The following THNSL1 variants were observed in gnomAD, a reference collection of about 807,000 sequenced individuals.
THNSL1 encodes the protein threonine synthase like 1.
A neutral mutation model predicts 50.4 loss-of-function variants in THNSL1; 48 were observed. That is an observed-to-expected ratio of 0.95 (90% CI 0.76 to 1.21). The LOEUF is 1.21. THNSL1 is among the 50% of genes most tolerant of loss of function. The probability of loss-of-function intolerance (pLI) is 0.00; values close to 1 mark genes in which losing one functional copy is unlikely to be tolerated. For missense variants in THNSL1, 896 were observed against 871.7 expected, an observed-to-expected ratio of 1.03 and a Z score of -0.35; for synonymous variants, 309 against 306.1, an observed-to-expected ratio of 1.01 and a Z score of -0.10.
rs1850708968 is a variant in THNSL1, at chr10:25,021,049, AAACAGTTCTTGATTCGTGGGTG to A, written c.-215-688_-215-667del. ...GGAAAGGATTAGACTGTGCATGGCA[AAACAGTTCTTGATTCGTGGGTG>A]AACACCACGGTATTCTCTGAAGGTT... On this transcript the variant is annotated intron_variant, in intron 1 of 2. Transcript: ENST00000376356. 2.0e-5 allele frequency among the ~76,000 whole-genome samples: 3 copies of A among 152,310 alleles called. No homozygotes were observed. The South Asian group carries it at 6.2e-4, about 32-fold the overall frequency.
chr10:24,999,210 G>T, the THNSL1 span, among the ~76,000 whole-genome samples: 1 of 152,064 alleles, frequency 6.6e-6, no homozygotes, highest in East Asian at 1.9e-4. Flanking sequence ...TCTATTCTGG[G>T]GGCAATTTAT....
the THNSL1 span, chr10:24,953,101 G>C: frequency 2.6e-5 from 4 of 152,420 alleles, no homozygotes; most frequent in Admixed American, 6.5e-5. Flanking sequence ...CTGTGAGCCA[G>C]CGTGCTCTTG....
Position 25,024,278 on chromosome 10 carries a change from A to G in THNSL1, c.1055A>G (p.Asp352Gly), listed in dbSNP as rs1850793243. Residue 352 changes from aspartate (D) to glycine (G), a missense_variant, in exon 3 of 3, where the codon GAT becomes GGT. Transcript: ENST00000376356. ...CATGGACCAACAGGATCATTTAAAGATTTGTCTTTACAGCTTATGCCTCAT... is the reference window on the plus strand; with the variant it reads ...CATGGACCAACAGGATCATTTAAAGGTTTGTCTTTACAGCTTATGCCTCAT... ...LFHGPTGSFK[D>G]LSLQLMPHIF... The G allele has an allele frequency of 1.2e-6, 2 of 1,614,004 alleles. No homozygotes were observed. Among genetic ancestry groups the G allele is most frequent in the African/African-American group, 1.3e-5 (1 of 74,902 alleles).
Position 25,024,427 on chromosome 10 carries a change from G to A in THNSL1, c.1204G>A (p.Ala402Thr). Residue 402 changes from alanine (A) to threonine (T), a missense_variant, in exon 3 of 3, where the codon GCT becomes ACT. Ala to Thr is a moderately conservative substitution (Grantham distance 58). Transcript: ENST00000376356. ...AAATAAGAATGATAAGCAAAGGATA[G>A]CTGTGGTTGCATTTTTTCCTGAGAA... ...RLNKNDKQRIAVVAFFPENGV... is the reference protein window; with the variant it reads ...RLNKNDKQRITVVAFFPENGV... The A allele has an allele frequency of 6.2e-7, 1 of 1,614,042 alleles. No homozygotes were observed. The highest frequency in any genetic ancestry group is 1.1e-5 in the South Asian group (1 of 91,086).
chr10:25,019,936 T>C (rs545331827), intron 1 of THNSL1, among the ~76,000 whole-genome samples: 5 of 152,242 alleles, frequency 3.3e-5, no homozygotes, highest in African/African-American at 1.2e-4. Context: ...GTGAAGTCCA[T>C]ATATATGCCT....
At chr10:24,976,497 G>GT in the THNSL1 span, among the ~76,000 whole-genome samples, 1,842 of 150,432 alleles carry the variant, frequency 0.012, 14 homozygotes, top group Middle Eastern at 0.02. Flanking sequence ...TTTTTCTTTT[G>GT]TTTTTTTTTG....
chr10:24,958,421 C>T, the THNSL1 span, among the ~76,000 whole-genome samples: 6 of 152,160 alleles, frequency 3.9e-5, no homozygotes, highest in Non-Finnish European at 7.4e-5. Context: ...ATTTTTTCTG[C>T]AAGTGCTCAG....
At chr10:24,975,936 T>C in the THNSL1 span, among the ~76,000 whole-genome samples, 2 of 152,256 alleles carry the variant, frequency 1.3e-5, no homozygotes, top group African/African-American at 2.4e-5. Context: ...TTCTTCATGA[T>C]AGTCATTGAA....
the THNSL1 span, among the ~76,000 whole-genome samples, chr10:24,959,806 T>C: frequency 2.0e-5 from 3 of 152,218 alleles, no homozygotes; most frequent in Non-Finnish European, 4.4e-5. Flanking sequence ...TTTTATATAT[T>C]CTTAAAGATA....
the THNSL1 span, among the ~76,000 whole-genome samples, chr10:25,002,161 C>A: frequency 1.3e-5 from 2 of 152,288 alleles, no homozygotes; most frequent in Admixed American, 1.3e-4. Flanking sequence ...CTACTCAATG[C>A]CCTGTGTATT....
chr10:25,017,334 G>C (rs1229845241), intron 1 of THNSL1, among the ~76,000 whole-genome samples: 1 of 152,118 alleles, frequency 6.6e-6, no homozygotes, highest in African/African-American at 2.4e-5. Context: ...GCTTTTACCC[G>C]AGTGTTTAAA....
the THNSL1 span, among the ~76,000 whole-genome samples, chr10:24,997,126 A>G: frequency 6.6e-6 from 1 of 152,200 alleles, no homozygotes; most frequent in Non-Finnish European, 1.5e-5. Flanking sequence ...AGGCAGGAGG[A>G]TTGCTTGAAG....
In THNSL1 at chr10:25,025,328, C is replaced by G. The variant is rs747517143; in HGVS notation, c.2105C>G (p.Pro702Arg). The change falls in exon 3 of 3, where the codon CCT (proline) becomes CGT (arginine). Residue 702 changes from proline (P) to arginine (R), a missense_variant. By Grantham distance (103) the Pro-to-Arg change is moderately radical. Coordinates refer to ENST00000376356, the MANE Select transcript of THNSL1 (RefSeq NM_024838.5). ...LYLLGSYNAL[P>R]PLHEALLERT... ...TTGCTGGGTTCATACAATGCATTAC[C>G]TCCACTGCATGAGGCTTTATTAGAG... 6.2e-7 allele frequency: 1 copy of G among 1,614,142 alleles called. No individual in the cohort carries two copies. The highest frequency in any genetic ancestry group is 2.2e-5 in the East Asian group (1 of 44,878).
Position 25,025,670 on chromosome 10 carries a change from A to G in THNSL1, c.*215A>G, listed in dbSNP as rs534764395. Reference sequence around the variant, plus strand: ...TGACAAAAGGTAACACAGTGCACGGACCTTTGAGCTATCATACTTTTGCCT... The same window carrying G: ...TGACAAAAGGTAACACAGTGCACGGGCCTTTGAGCTATCATACTTTTGCCT... On this transcript the variant is annotated 3_prime_UTR_variant, in exon 3 of 3. Transcript: ENST00000376356. 3 of 520,836 alleles carry G rather than the reference A, an allele frequency of 5.8e-6. No homozygotes were observed. The highest frequency in any genetic ancestry group is 7.2e-5 in the Admixed American group (2 of 27,854). 32.3% of individuals were successfully genotyped at this position (520,836 alleles called of 1,614,324 possible).
chr10:25,021,593 TAAC>T (rs959790977), intron 1 of THNSL1, 146 bp from the exon 2 acceptor site: 44 of 152,352 alleles, frequency 2.9e-4, no homozygotes, highest in African/African-American at 1.1e-3. Context: ...AATCTTCTAA[TAAC>T]AGATTTGGGG....
At chr10:24,969,672 G>A in the THNSL1 span, among the ~76,000 whole-genome samples, 9 of 152,280 alleles carry the variant, frequency 5.9e-5, no homozygotes, top group South Asian at 1.9e-3. Context: ...TAGTTACAAA[G>A]CCCCTGTAGC....
chr10:25,018,132 A>G (rs1449759142), intron 1 of THNSL1, among the ~76,000 whole-genome samples: 7 of 152,222 alleles, frequency 4.6e-5, no homozygotes, highest in Non-Finnish European at 8.8e-5. Flanking sequence ...AAAAAATGCT[A>G]AACAATTTGT....
chr10:24,969,414 T>A, the THNSL1 span, among the ~76,000 whole-genome samples: 1 of 152,166 alleles, frequency 6.6e-6, no homozygotes, highest in Non-Finnish European at 1.5e-5. Flanking sequence ...ATAAGTGAGC[T>A]CTGAAGAAAA....
In THNSL1 at chr10:25,024,716, T is replaced by C. The variant is rs141871066; in HGVS notation, c.1493T>C (p.Phe498Ser). Residue 498 changes from phenylalanine to serine, a missense_variant, in exon 3 of 3, where the codon TTT (phenylalanine) becomes TCT (serine). Transcript: ENST00000376356. ...LDLVSQGFIS[F>S]GSPVDVCIPT... ...CTTGTTAGTCAAGGATTTATTTCTT[T>C]TGGAAGCCCAGTCGATGTCTGTATT... 2.0e-4 allele frequency: 329 copies of C among 1,614,202 alleles called. 3 individuals carry two copies. The African/African-American group carries it at 4.0e-3, about 20-fold the overall frequency.
Sources: allele counts gnomAD v4.1 joint callset (sites outside exome capture counted in the v4.1 genomes callset), GRCh38; gene constraint gnomAD v4.1.1; transcripts MANE v1.5; gene names NCBI Gene and HGNC (gene_info 2026-07-23, HGNC 2026-07-21).